Variants in ATG10 observed in about 807,000 individuals in gnomAD.
The protein encoded by ATG10 is ubiquitin-like-conjugating enzyme ATG10.
ATG10 carries 30 observed loss-of-function variants against 32.1 expected under a neutral mutation model. The ratio of observed to expected loss-of-function variants is 0.94; its 90% CI spans 0.70 to 1.27. The LOEUF is 1.27. Among genes scored for constraint, ATG10 ranks in the 50% most tolerant of loss-of-function variants. The pLI is 0.00. For missense variants in ATG10, 233 were observed against 262.3 expected (o/e 0.89, Z 0.77); for synonymous variants, 87 against 91.5 (o/e 0.95, Z 0.28).
chr5:81,991,032 CTG>C (rs1286334542), intron 2 of ATG10, among the ~76,000 whole-genome samples: 2 of 152,218 alleles, frequency 1.3e-5, no homozygotes, highest in Non-Finnish European at 2.9e-5. Flanking sequence ...TCTGGTATGA[CTG>C]TGGTTTCTCT....
intron 5 of ATG10, among the ~76,000 whole-genome samples, chr5:82,212,768 C>A (rs1274347833): frequency 6.6e-6 from 1 of 152,194 alleles, no homozygotes; most frequent in Non-Finnish European, 1.5e-5. Flanking sequence ...AGTCCCACTT[C>A]TCAAGTTCAT....
chr5:82,218,723 G>A (rs1272364913), intron 5 of ATG10, among the ~76,000 whole-genome samples: 1 of 152,160 alleles, frequency 6.6e-6, no homozygotes, highest in Non-Finnish European at 1.5e-5. Flanking sequence ...TTTCTGAAAT[G>A]TCAGGAGTGT....
At chr5:81,986,502 C>T (rs766255686) in intron 1 of ATG10, among the ~76,000 whole-genome samples, 1 of 151,984 alleles carries the variant, frequency 6.6e-6, no homozygotes, top group Non-Finnish European at 1.5e-5. Context: ...ATGCACAGTG[C>T]CTGCTACTTA....
At position 82,207,602 on chromosome 5, in the gene ATG10, T is replaced by C. The variant is rs185858169; in HGVS notation, c.453+29015T>C. Among the ~76,000 whole-genome samples, 730 of 152,342 alleles carry C rather than the reference T, an allele frequency of 4.8e-3. 6 individuals carry two copies. Among genetic ancestry groups the C allele is most frequent in the African/African-American group, 0.014 (577 of 41,572 alleles). ...GCCTGACTTTTCATTTCCTTTGTAG[T>C]GTCTTGATAACCAGAAGTTTTTAAT... is the stretch of plus-strand genomic sequence containing the variant. On this transcript the variant is annotated intron_variant, in intron 5 of 7. Coordinates refer to ENST00000282185, the MANE Select transcript of ATG10 (RefSeq NM_031482.5).
chr5:82,037,752 G>A (rs1024389976), intron 2 of ATG10, among the ~76,000 whole-genome samples: 5 of 152,086 alleles, frequency 3.3e-5, no homozygotes, highest in African/African-American at 1.2e-4. Flanking sequence ...TCTATTCAAA[G>A]TTTTAACATC....
At chr5:82,035,155 G>T (rs1365593515) in intron 2 of ATG10, among the ~76,000 whole-genome samples, 1 of 152,032 alleles carries the variant, frequency 6.6e-6, no homozygotes, top group Non-Finnish European at 1.5e-5. Flanking sequence ...CAGGTAATCC[G>T]CCTGCCTCAG....
intron 2 of ATG10, among the ~76,000 whole-genome samples, chr5:82,025,224 T>G (rs1280857450): frequency 6.6e-6 from 1 of 152,202 alleles, no homozygotes; most frequent in East Asian, 1.9e-4. Flanking sequence ...AATATAAAGC[T>G]GAGATTAATG....
chr5:82,028,206 A>G (rs1428282678), intron 2 of ATG10, among the ~76,000 whole-genome samples: 1 of 152,262 alleles, frequency 6.6e-6, no homozygotes, highest in African/African-American at 2.4e-5. Context: ...GCATTAATCC[A>G]GATTATTATC....
intron 5 of ATG10, among the ~76,000 whole-genome samples, chr5:82,244,728 A>G (rs2150023460): frequency 6.6e-6 from 1 of 152,350 alleles, no homozygotes; most frequent in South Asian, 2.1e-4. Context: ...TGTAAGAATG[A>G]AGGTGCAGTA....
intron 3 of ATG10, among the ~76,000 whole-genome samples, chr5:82,110,249 A>T (rs1371850288): frequency 5.3e-5 from 8 of 152,114 alleles, no homozygotes; most frequent in Non-Finnish European, 1.2e-4. Flanking sequence ...GAGTAGTGCC[A>T]CAATAAACAT....
At chr5:82,036,928 C>A (rs908198737) in intron 2 of ATG10, among the ~76,000 whole-genome samples, 1 of 151,524 alleles carries the variant, frequency 6.6e-6, no homozygotes, top group Non-Finnish European at 1.5e-5. Flanking sequence ...GTCAAGAGAT[C>A]GAGACCATCC....
intron 3 of ATG10, among the ~76,000 whole-genome samples, chr5:82,154,396 A>G (rs1299878233): frequency 6.6e-6 from 1 of 152,208 alleles, no homozygotes; most frequent in Non-Finnish European, 1.5e-5. Context: ...CATTTTTTGA[A>G]TGAATGTATG....
intron 3 of ATG10, among the ~76,000 whole-genome samples, chr5:82,065,736 T>G (rs1763924882): frequency 6.6e-6 from 1 of 152,164 alleles, no homozygotes; most frequent in Non-Finnish European, 1.5e-5. Context: ...CAGGAGCATA[T>G]TGTCCTTATT....
chr5:82,224,949 G>A (rs892405848), intron 5 of ATG10, among the ~76,000 whole-genome samples: 3 of 152,140 alleles, frequency 2.0e-5, no homozygotes, highest in East Asian at 1.9e-4. Context: ...GGACATCTAT[G>A]TATTATAAAC....
intron 5 of ATG10, among the ~76,000 whole-genome samples, chr5:82,245,353 A>G (rs1746982352): frequency 6.6e-6 from 1 of 152,234 alleles, no homozygotes; most frequent in African/African-American, 2.4e-5. Context: ...GGAGAATATT[A>G]TCCACATTGA....
chr5:82,096,227 TCA>T (rs1765058895), intron 3 of ATG10, among the ~76,000 whole-genome samples: 2 of 152,356 alleles, frequency 1.3e-5, no homozygotes, highest in South Asian at 4.1e-4. Context: ...GCAGGTGCAC[TCA>T]CACATCTATT....
intron 2 of ATG10, among the ~76,000 whole-genome samples, chr5:82,022,135 G>C (rs1410794992): frequency 1.3e-5 from 2 of 149,328 alleles, no homozygotes; most frequent in East Asian, 4.1e-4. Context: ...GTTGCAGTGA[G>C]CCGAGATTGC....
chr5:82,231,998 G>A (rs1746384255), intron 5 of ATG10, among the ~76,000 whole-genome samples: 1 of 152,180 alleles, frequency 6.6e-6, no homozygotes, highest in Admixed American at 6.5e-5. Context: ...GTAATAGATT[G>A]CTATTTTATT....
chr5:82,046,623 CT>C (rs1367447466), intron 2 of ATG10, among the ~76,000 whole-genome samples: 1 of 152,226 alleles, frequency 6.6e-6, no homozygotes, highest in Non-Finnish European at 1.5e-5. Context: ...GTCACTTCCC[CT>C]GTTCTCTTGA....
Sources: allele counts gnomAD v4.1 joint callset (sites outside exome capture counted in the v4.1 genomes callset), GRCh38; gene constraint gnomAD v4.1.1; transcripts MANE v1.5; gene names NCBI Gene and HGNC (gene_info 2026-07-23, HGNC 2026-07-21).